MYLK: variants seen among roughly 807,000 people sequenced by gnomAD.
MYLK encodes the protein myosin light chain kinase, smooth muscle.
Under a neutral mutation model 203.4 loss-of-function variants are expected in MYLK, and 106 were observed. That is an observed-to-expected ratio of 0.52 (90% CI 0.45 to 0.61). The LOEUF (loss-of-function observed/expected upper bound fraction) is 0.61. MYLK is among the 20% of genes least tolerant of loss of function. MYLK has a pLI of 0.00. For synonymous variants in MYLK, 867 were observed against 959.5 expected (o/e 0.90, Z 1.78); for missense variants, 2,072 against 2,442.3 (o/e 0.85, Z 3.20).
At position 123,803,436 on chromosome 3, in the gene MYLK, C is replaced by T. The variant is rs560627238; in HGVS notation, c.-3-9592G>A. ...AGATAGCACAGAAGAGTCAGTGACT[C>T]TCATGCTTATTGTGGTGCTGCCACC... On this transcript the variant is annotated intron_variant, in intron 3 of 33. Coordinates refer to ENST00000360304, the MANE Select transcript of MYLK (RefSeq NM_053025.4). 7.9e-5 allele frequency among the ~76,000 whole-genome samples: 12 copies of T among 152,336 alleles called. No individual in the cohort carries two copies. The East Asian group carries it at 2.3e-3, about 29-fold the overall frequency.
chr3:123,639,001 A>G (rs1576397775), intron 28 of MYLK: 4 of 985,454 alleles, frequency 4.1e-6, no homozygotes, highest in Non-Finnish European at 4.8e-6. Context: ...CCTGCCTCTC[A>G]GCCCTTTCTG....
intron 3 of MYLK, among the ~76,000 whole-genome samples, chr3:123,802,788 G>A (rs1415750900): frequency 1.3e-5 from 2 of 152,186 alleles, no homozygotes; most frequent in Non-Finnish European, 2.9e-5. Context: ...ATTAAAGCCA[G>A]AACCAGAGCC....
intron 29 of MYLK, chr3:123,630,691 A>C (rs1341430696): frequency 6.6e-6 from 1 of 152,250 alleles, no homozygotes; most frequent in African/African-American, 2.4e-5. Context: ...GAGGCGGTCC[A>C]TGCCCGGAGA....
intron 2 of MYLK, among the ~76,000 whole-genome samples, chr3:123,863,223 T>C (rs909672620): frequency 3.4e-4 from 52 of 152,192 alleles, no homozygotes; most frequent in African/African-American, 1.1e-3. Flanking sequence ...CTTCACACTA[T>C]ACACAAAAAT....
At position 123,844,430 on chromosome 3, in the gene MYLK, G is replaced by A. The variant is rs371237850; in HGVS notation, c.-126-12760C>T. 8.5e-5 allele frequency among the ~76,000 whole-genome samples: 13 copies of A among 152,312 alleles called. No homozygotes were observed. In the East Asian group the frequency reaches 1.9e-3, roughly 23 times the overall value. ...ATTCCCAGCCACAGCTCTTTCAAGA[G>A]TAAAAGTTGGCTCTGGGGAATACAT... On this transcript the variant is annotated intron_variant, in intron 2 of 33. Transcript: ENST00000360304.
intron 5 of MYLK, among the ~76,000 whole-genome samples, chr3:123,751,304 G>A (rs544137940): frequency 1.3e-5 from 2 of 152,322 alleles, no homozygotes; most frequent in South Asian, 4.1e-4. Context: ...CATGGCAGAA[G>A]GACACACTAG....
intron 29 of MYLK, among the ~76,000 whole-genome samples, chr3:123,634,473 A>G (rs536296433): frequency 6.6e-6 from 1 of 152,212 alleles, no homozygotes; most frequent in East Asian, 1.9e-4. Flanking sequence ...CCTCCCCACC[A>G]TACACACCTC....
At chr3:123,876,961 A>C (rs1053065055) in intron 1 of MYLK, among the ~76,000 whole-genome samples, 4 of 152,228 alleles carry the variant, frequency 2.6e-5, no homozygotes, top group Admixed American at 6.5e-5. Flanking sequence ...TGTCTCTGTA[A>C]AAAGAATTTT....
chr3:123,768,606 C>T (rs1396206119), intron 4 of MYLK, among the ~76,000 whole-genome samples: 1 of 152,212 alleles, frequency 6.6e-6, no homozygotes, highest in African/African-American at 2.4e-5. Flanking sequence ...CCCAGATCCA[C>T]CTCTAAGTAG....
intron 3 of MYLK, among the ~76,000 whole-genome samples, chr3:123,795,293 T>C (rs1219382037): frequency 6.6e-6 from 1 of 152,248 alleles, no homozygotes; most frequent in Non-Finnish European, 1.5e-5. Context: ...ATGACTTACA[T>C]AACTATCTCC....
intron 29 of MYLK, among the ~76,000 whole-genome samples, chr3:123,634,700 G>GT (rs2058572400): frequency 6.6e-6 from 1 of 152,212 alleles, no homozygotes; most frequent in South Asian, 2.1e-4. Context: ...GTGGAGTAGG[G>GT]TGAGGGAAGG....
intron 19 of MYLK, among the ~76,000 whole-genome samples, chr3:123,686,460 G>T (rs1303552245): frequency 1.3e-5 from 2 of 152,034 alleles, no homozygotes; most frequent in Non-Finnish European, 2.9e-5. Flanking sequence ...CTTCTGGGAG[G>T]GGTCCAGCTT....
At chr3:123,711,469 G>A (rs1447202960) in intron 13 of MYLK, among the ~76,000 whole-genome samples, 1 of 152,184 alleles carries the variant, frequency 6.6e-6, no homozygotes, top group East Asian at 1.9e-4. Flanking sequence ...CTCACATTCA[G>A]TTTCTTGTGG....
chr3:123,725,801 C>T (rs749970925), intron 12 of MYLK, 143 bp downstream of exon 12: 33 of 1,245,024 alleles, frequency 2.7e-5, no homozygotes, highest in African/African-American at 4.5e-5. Flanking sequence ...TCCCAGTGCC[C>T]GTGCTCTCTT....
At chr3:123,743,441 C>T (rs2062919945) in intron 5 of MYLK, among the ~76,000 whole-genome samples, 1 of 152,010 alleles carries the variant, frequency 6.6e-6, no homozygotes, top group African/African-American at 2.4e-5. Context: ...AAATTACTAA[C>T]AGGGTCTATT....
intron 30 of MYLK, among the ~76,000 whole-genome samples, chr3:123,627,762 C>A (rs2058219478): frequency 6.6e-6 from 1 of 151,330 alleles, no homozygotes; most frequent in Non-Finnish European, 1.5e-5. Context: ...TTTTTAAGTG[C>A]TGATAGGTGG....
intron 1 of MYLK, among the ~76,000 whole-genome samples, chr3:123,882,452 T>A (rs1408342923): frequency 1.3e-5 from 2 of 152,120 alleles, no homozygotes; most frequent in African/African-American, 4.8e-5. Flanking sequence ...CAAGGAAACA[T>A]CTACAATGCT....
At chr3:123,859,866 G>A (rs1324742600) in intron 2 of MYLK, among the ~76,000 whole-genome samples, 2 of 151,812 alleles carry the variant, frequency 1.3e-5, no homozygotes, top group Non-Finnish European at 2.9e-5. Flanking sequence ...GGATCAAATT[G>A]CTGCCAGTAA....
chr3:123,812,077 A>G (rs1397456007), intron 3 of MYLK, among the ~76,000 whole-genome samples: 1 of 152,178 alleles, frequency 6.6e-6, no homozygotes, highest in Non-Finnish European at 1.5e-5. Flanking sequence ...TCTTAGAGAA[A>G]GCAGACCCCT....
Sources: allele counts gnomAD v4.1 joint callset (sites outside exome capture counted in the v4.1 genomes callset), GRCh38; gene constraint gnomAD v4.1.1; transcripts MANE v1.5; gene names NCBI Gene and HGNC (gene_info 2026-07-23, HGNC 2026-07-21).